BCL2: variants seen among roughly 807,000 people sequenced by gnomAD.
The protein encoded by BCL2 is BCL2 apoptosis regulator.
A neutral mutation model predicts 14.2 loss-of-function variants in BCL2; 1 was observed. That is an observed-to-expected ratio of 0.07 (90% CI 0.02 to 0.33). The LOEUF (loss-of-function observed/expected upper bound fraction) is 0.33, where lower values mean the gene tolerates loss of function less well. BCL2 is among the 10% of genes least tolerant of loss of function. The pLI is 0.99. For missense variants in BCL2, 247 were observed against 305.9 expected (o/e 0.81, Z 1.44); for synonymous variants, 151 against 137.2 (o/e 1.10, Z -0.70).
At chr18:63,162,729 A>T (rs1914951360) in intron 2 of BCL2, among the ~76,000 whole-genome samples, 1 of 152,000 alleles carries the variant, frequency 6.6e-6, no homozygotes, top group Non-Finnish European at 1.5e-5. Flanking sequence ...CAGCATCCTC[A>T]CTGCTCCTCC....
intron 2 of BCL2, among the ~76,000 whole-genome samples, chr18:63,245,495 C>T (rs1281251439): frequency 1.3e-5 from 2 of 152,192 alleles, no homozygotes; most frequent in Non-Finnish European, 2.9e-5. Flanking sequence ...GCTGCCATTT[C>T]TCATACATAA....
intron 2 of BCL2, among the ~76,000 whole-genome samples, chr18:63,222,975 AACAG>A (rs768133843): frequency 1.6e-4 from 25 of 152,358 alleles, no homozygotes; most frequent in Non-Finnish European, 2.9e-4. Context: ...TGATAGAATT[AACAG>A]ACAAAGGAAG....
chr18:63,126,777 T>A lies in BCL2; in HGVS notation c.*1848A>T, dbSNP rs1252431078. 1 of 226,762 alleles carries A rather than the reference T, an allele frequency of 4.4e-6. No homozygotes were observed. The highest frequency in any genetic ancestry group is 8.8e-6 in the Non-Finnish European group (1 of 113,970). The allele number at this position is 226,762 out of a possible 1,614,324, so 14.0% of individuals were successfully genotyped here. ...AAATAGTGTATAGGCCATAACTAAA[T>A]ACAATTAAAAACAAAAAAACGCTGA... is the stretch of plus-strand genomic sequence containing the variant. On this transcript the variant is annotated 3_prime_UTR_variant, in exon 3 of 3. Coordinates refer to ENST00000333681, the MANE Select transcript of BCL2 (RefSeq NM_000633.3).
rs561755880 is a variant in BCL2 at position 63,198,607 on chromosome 18, GAC to G, written c.586-69850_586-69849del. Among the ~76,000 whole-genome samples, 156 of 138,620 alleles carry G rather than the reference GAC, an allele frequency of 1.1e-3. 2 individuals are homozygous for G. Among genetic ancestry groups the G allele is most frequent in the South Asian group, 0.011 (47 of 4,336 alleles). 90.9% of individuals were successfully genotyped at this position (138,620 alleles called of 152,430 possible). A position where few individuals can be genotyped will look rare whatever the true frequency, so the allele number is the denominator to read the frequency against. On this transcript the variant is annotated intron_variant, in intron 2 of 2. Coordinates refer to ENST00000333681, the MANE Select transcript of BCL2 (RefSeq NM_000633.3). ...ACATAGACACAGAGACACACACACAGACACACACTGACACACAGACACAGAGA... is the reference window on the plus strand; with the variant it reads ...ACATAGACACAGAGACACACACACAGACACACTGACACACAGACACAGAGA...
intron 2 of BCL2, among the ~76,000 whole-genome samples, chr18:63,145,779 C>T (rs1451562026): frequency 2.6e-5 from 4 of 152,188 alleles, no homozygotes; most frequent in African/African-American, 7.2e-5. Context: ...ATCTCTAATA[C>T]ACCAAATTAA....
At chr18:63,157,118 T>A (rs1195745696) in intron 2 of BCL2, among the ~76,000 whole-genome samples, 1 of 152,232 alleles carries the variant, frequency 6.6e-6, no homozygotes, top group Non-Finnish European at 1.5e-5. Flanking sequence ...AGGAATTAAG[T>A]ATGCATCTGG....
At chr18:63,213,788 G>A (rs1368402171) in intron 2 of BCL2, among the ~76,000 whole-genome samples, 1 of 152,052 alleles carries the variant, frequency 6.6e-6, no homozygotes, top group African/African-American at 2.4e-5. Flanking sequence ...GTGAGACCCT[G>A]ACCACTTGAC....
At chr18:63,315,625 T>C (rs982820672) in intron 2 of BCL2, 3 of 152,222 alleles carry the variant, frequency 2.0e-5, no homozygotes, top group Non-Finnish European at 4.4e-5. Context: ...CAAGAAAATA[T>C]GCTAGCTCTC....
intron 2 of BCL2, among the ~76,000 whole-genome samples, chr18:63,281,353 T>G (rs1912302979): frequency 6.6e-6 from 1 of 151,990 alleles, no homozygotes; most frequent in South Asian, 2.1e-4. Context: ...TACCACAATT[T>G]AAAAAAATTA....
chr18:63,202,126 T>G (rs1450938923), intron 2 of BCL2, among the ~76,000 whole-genome samples: 1 of 152,048 alleles, frequency 6.6e-6, no homozygotes. Context: ...CTGGCGAACA[T>G]GGTGAAACCC....
chr18:63,126,096 A>G lies in BCL2; in HGVS notation c.*2529T>C, dbSNP rs1474153783. On this transcript the variant is annotated 3_prime_UTR_variant, in exon 3 of 3. Coordinates refer to ENST00000333681, the MANE Select transcript of BCL2 (RefSeq NM_000633.3). The stretch of plus-strand genomic sequence containing the variant: ...AAAATGATTTTGGCAGGATAGCAGC[A>G]CAGGATTGGATATTCCATATTCATC... 2 of 216,152 alleles carry G rather than the reference A, an allele frequency of 9.3e-6. No individual in the cohort carries two copies. Among genetic ancestry groups the G allele is most frequent in the Admixed American group, 1.2e-4 (2 of 17,156 alleles). 13.4% of individuals were successfully genotyped at this position (216,152 alleles called of 1,614,324 possible).
chr18:63,303,295 C>G (rs1913021836), intron 2 of BCL2, among the ~76,000 whole-genome samples: 1 of 152,074 alleles, frequency 6.6e-6, no homozygotes, highest in South Asian at 2.1e-4. Flanking sequence ...TGGTAGGAAC[C>G]AGTGATTAGT....
At chr18:63,144,894 C>A (rs1250689601) in intron 2 of BCL2, among the ~76,000 whole-genome samples, 2 of 152,180 alleles carry the variant, frequency 1.3e-5, no homozygotes, top group Non-Finnish European at 2.9e-5. Flanking sequence ...CCGCCCTGGG[C>A]ACTGTGCAAG....
At chr18:63,309,268 C>T (rs968122395) in intron 2 of BCL2, among the ~76,000 whole-genome samples, 2 of 152,128 alleles carry the variant, frequency 1.3e-5, no homozygotes, top group African/African-American at 2.4e-5. Flanking sequence ...CTACATGATT[C>T]GAGGGGAAAG....
At chr18:63,303,285 TGGTA>T (rs1733529421) in intron 2 of BCL2, among the ~76,000 whole-genome samples, 1 of 152,190 alleles carries the variant, frequency 6.6e-6, no homozygotes, top group African/African-American at 2.4e-5. Context: ...TGTCTGGTCT[TGGTA>T]GGAACCAGTG....
intron 2 of BCL2, among the ~76,000 whole-genome samples, chr18:63,246,052 G>A (rs61551996): frequency 6.6e-6 from 1 of 152,142 alleles, no homozygotes; most frequent in Non-Finnish European, 1.5e-5. Flanking sequence ...GGGATCAATA[G>A]GTTTTTGAAA....
intron 2 of BCL2, among the ~76,000 whole-genome samples, chr18:63,169,264 C>CTT (rs760619751): frequency 1.5e-5 from 1 of 65,844 alleles, no homozygotes; most frequent in African/African-American, 7.2e-5. Flanking sequence ...TTCTTTCTTT[C>CTT]TTTCTTTCTT....
intron 2 of BCL2, among the ~76,000 whole-genome samples, chr18:63,301,983 A>G (rs573231161): frequency 6.6e-6 from 1 of 152,190 alleles, no homozygotes; most frequent in Non-Finnish European, 1.5e-5. Context: ...TATAAATGAA[A>G]TATTTTAGGT....
chr18:63,285,446 C>G (rs767313534), intron 2 of BCL2, among the ~76,000 whole-genome samples: 9 of 152,048 alleles, frequency 5.9e-5, no homozygotes, highest in Admixed American at 3.9e-4. Flanking sequence ...CCCAACATCT[C>G]CCCAAGAATG....
Sources: allele counts gnomAD v4.1 joint callset (sites outside exome capture counted in the v4.1 genomes callset), GRCh38; gene constraint gnomAD v4.1.1; transcripts MANE v1.5; gene names NCBI Gene and HGNC (gene_info 2026-07-23, HGNC 2026-07-21).